Variants in PIAS2 observed in about 807,000 individuals in gnomAD.
PIAS2 encodes protein inhibitor of activated STAT 2.
PIAS2 carries 19 observed loss-of-function variants against 69.7 expected under a neutral mutation model. That is an observed-to-expected ratio of 0.27 (90% CI 0.19 to 0.40). PIAS2 has a LOEUF of 0.40. Ranked by LOEUF, PIAS2 falls within the 10% of genes least tolerant of loss-of-function variation. The probability of loss-of-function intolerance (pLI) is 1.00; values close to 1 mark genes in which losing one functional copy is unlikely to be tolerated. For synonymous variants in PIAS2, 261 were observed against 263.2 expected (o/e 0.99, Z 0.08); for missense variants, 624 against 757.0 (o/e 0.82, Z 2.06).
intron 6 of PIAS2, among the ~76,000 whole-genome samples, chr18:46,846,244 T>C (rs1244209044): frequency 6.6e-6 from 1 of 152,180 alleles, no homozygotes; most frequent in Admixed American, 6.5e-5. Context: ...TAAGTAAATA[T>C]TTTTATACAA....
chr18:46,818,129 G>C, intron 12 of PIAS2: 2 of 1,077,034 alleles, frequency 1.9e-6, no homozygotes, highest in Non-Finnish European at 2.2e-6. Flanking sequence ...CTGTGAAATT[G>C]ACTCATTAGA....
Position 46,855,578 on chromosome 18 carries a change from G to T in PIAS2, c.622C>A (p.Gln208Lys). 6.2e-7 allele frequency: 1 copy of T among 1,613,276 alleles called. No homozygotes were observed. The change falls in exon 4 of 14, where the codon CAA (glutamine) becomes AAA (lysine). Residue 208 changes from glutamine to lysine, a missense_variant. Coordinates refer to ENST00000585916, the MANE Select transcript of PIAS2 (RefSeq NM_004671.5). ...LPGGRRDYTV[Q>K]VQLRLCLAET... is the part of the protein sequence containing the mutation. Reference sequence around the variant, plus strand: ...TTTCAAACTCACCTCAACTGAACTTGGACTGTATAATCTCTCCTACCACCT... The same window carrying T: ...TTTCAAACTCACCTCAACTGAACTTTGACTGTATAATCTCTCCTACCACCT...
chr18:46,815,913 T>A (rs1483559944), intron 12 of PIAS2: 1 of 985,484 alleles, frequency 1.0e-6, no homozygotes, highest in Non-Finnish European at 1.2e-6. Flanking sequence ...GTTACTGGGT[T>A]CTGAGCTAAT....
At chr18:46,917,668 C>G (rs374096853), upstream of PIAS2, 6 of 615,230 alleles carry the variant, frequency 9.8e-6, no homozygotes, top group African/African-American at 6.0e-5. Context: ...TGGCCCCGCT[C>G]GGCCCCAGGT....
chr18:46,819,437 A>C (rs994633570), intron 12 of PIAS2, among the ~76,000 whole-genome samples: 2 of 152,142 alleles, frequency 1.3e-5, no homozygotes, highest in African/African-American at 4.8e-5. Context: ...AACTATATCT[A>C]AGAAGCAAAG....
intron 1 of PIAS2, among the ~76,000 whole-genome samples, chr18:46,912,303 C>T (rs1446486553): frequency 1.3e-5 from 2 of 152,190 alleles, no homozygotes; most frequent in African/African-American, 4.8e-5. Context: ...ATAAGCTATA[C>T]ACATCCTCCT....
At chr18:46,904,463 C>CT (rs2056319402) in intron 1 of PIAS2, among the ~76,000 whole-genome samples, 1 of 151,940 alleles carries the variant, frequency 6.6e-6, no homozygotes, top group South Asian at 2.1e-4. Context: ...GAAAAATAAC[C>CT]TAGAAGGCCG....
intron 8 of PIAS2, among the ~76,000 whole-genome samples, chr18:46,840,854 T>A (rs1241427523): frequency 6.6e-6 from 1 of 152,218 alleles, no homozygotes; most frequent in Non-Finnish European, 1.5e-5. Context: ...CTATAAAATG[T>A]TAAGCTGGCA....
intron 5 of PIAS2, chr18:46,853,414 C>T (rs1412625791): frequency 6.6e-6 from 1 of 152,136 alleles, no homozygotes; most frequent in Non-Finnish European, 1.5e-5. Context: ...CTTTCTTTGT[C>T]ACACATGCAG....
intron 12 of PIAS2, chr18:46,817,167 T>C: frequency 4.2e-6 from 4 of 963,370 alleles, no homozygotes; most frequent in Non-Finnish European, 4.9e-6. Flanking sequence ...TTATAGTTTT[T>C]CAGTTTCATA....
chr18:46,845,035 G>A (rs1427441202), intron 6 of PIAS2, 196 bp from the exon 7 acceptor site: 3 of 360,294 alleles, frequency 8.3e-6, no homozygotes, highest in African/African-American at 6.3e-5. Context: ...CATTTTAAAG[G>A]TATTTCTTGA....
In PIAS2 at chr18:46,817,129, C is replaced by T. The variant is rs1015676659; in HGVS notation, c.1649-1780G>A. 26 of 951,960 alleles carry T rather than the reference C, an allele frequency of 2.7e-5. No homozygotes were observed. In the African/African-American group the frequency reaches 3.5e-4, roughly 13 times the overall value. The allele number at this position is 951,960 out of a possible 1,614,324, so 59.0% of individuals were successfully genotyped here. A position where few individuals can be genotyped will look rare whatever the true frequency, so the allele number is the denominator to read the frequency against. On this transcript the variant is annotated intron_variant, in intron 12 of 13. Coordinates refer to ENST00000585916, the MANE Select transcript of PIAS2 (RefSeq NM_004671.5). ...CTTATCTTTTCAGTTTTTCAGTTTTCTTCATTTTTACAATAGCTTCTACCT... is the reference window on the plus strand; with the variant it reads ...CTTATCTTTTCAGTTTTTCAGTTTTTTTCATTTTTACAATAGCTTCTACCT...
At position 46,834,936 on chromosome 18, in the gene PIAS2, T is replaced by C. The variant is rs1270836358; in HGVS notation, c.1202+1421A>G. Among the ~76,000 whole-genome samples the C allele has an allele frequency of 2.6e-5, 4 of 152,208 alleles. No homozygotes were observed. The East Asian group carries it at 7.7e-4, about 29-fold the overall frequency. On this transcript the variant is annotated intron_variant, in intron 9 of 13. Coordinates refer to ENST00000585916, the MANE Select transcript of PIAS2 (RefSeq NM_004671.5). ...GCATCTTAATAATAAATAGTAAAAG[T>C]CTTACATTCCCTTTGAGTATTTCTA... is the stretch of plus-strand genomic sequence containing the variant.
At chr18:46,830,706 A>G (rs889214669) in intron 9 of PIAS2, among the ~76,000 whole-genome samples, 18 of 152,214 alleles carry the variant, frequency 1.2e-4, no homozygotes, top group Middle Eastern at 3.2e-3. Context: ...AGATAATCTA[A>G]GAAGCCCTAT....
At chr18:46,843,665 G>A (rs886677994) in intron 8 of PIAS2, among the ~76,000 whole-genome samples, 1 of 152,080 alleles carries the variant, frequency 6.6e-6, no homozygotes, top group Non-Finnish European at 1.5e-5. Flanking sequence ...ACATTACAAA[G>A]ACATCCTACA....
chr18:46,818,832 T>A (rs1439400785), intron 12 of PIAS2, among the ~76,000 whole-genome samples: 1 of 152,138 alleles, frequency 6.6e-6, no homozygotes, highest in East Asian at 1.9e-4. Context: ...TAACTGTTAA[T>A]ACTGGCTAAA....
intron 2 of PIAS2, among the ~76,000 whole-genome samples, chr18:46,882,983 T>C (rs1261168717): frequency 1.3e-5 from 2 of 150,274 alleles, no homozygotes; most frequent in East Asian, 2.0e-4. Flanking sequence ...TCCCAGCTAT[T>C]GGGGAGGCTG....
intron 13 of PIAS2, among the ~76,000 whole-genome samples, chr18:46,814,427 A>G (rs773231866): frequency 3.9e-5 from 6 of 152,198 alleles, no homozygotes; most frequent in Non-Finnish European, 7.3e-5. Flanking sequence ...AAAAATACAT[A>G]GACACTTTCA....
chr18:46,840,027 G>A (rs1377783534), intron 8 of PIAS2, among the ~76,000 whole-genome samples: 1 of 152,062 alleles, frequency 6.6e-6, no homozygotes, highest in South Asian at 2.1e-4. Flanking sequence ...CGAGCATGAT[G>A]GCAGGTGCCT....
Sources: allele counts gnomAD v4.1 joint callset (sites outside exome capture counted in the v4.1 genomes callset), GRCh38; gene constraint gnomAD v4.1.1; transcripts MANE v1.5; gene names NCBI Gene and HGNC (gene_info 2026-07-23, HGNC 2026-07-21).